Variants in C2CD4D observed in about 807,000 individuals in gnomAD.
The protein encoded by C2CD4D is C2 calcium dependent domain containing 4D.
A neutral mutation model predicts 0.2 loss-of-function variants in C2CD4D; 1 was observed. The observed-to-expected ratio is 4.00, with a 90% CI of 1.42 to 18.99. The LOEUF (loss-of-function observed/expected upper bound fraction) is 18.99. C2CD4D is among the 30% of genes most tolerant of loss of function. The probability of loss-of-function intolerance (pLI) is 0.11; values close to 1 mark genes in which losing one functional copy is unlikely to be tolerated. For missense variants in C2CD4D, 552 were observed against 551.2 expected (o/e 1.00, Z -0.01); for synonymous variants, 269 against 279.8 (o/e 0.96, Z 0.39).
exon 1 of C2CD4D, chr1:151,840,457 C>G (rs1244289138): frequency 2.0e-5 from 3 of 152,342 alleles, no homozygotes; most frequent in Non-Finnish European, 4.4e-5. Context: ...TAAAACCCTC[C>G]TGGTTGAAAT....
intron 1 of C2CD4D, among the ~76,000 whole-genome samples, chr1:151,840,043 G>A (rs1169743569): frequency 6.6e-6 from 1 of 152,198 alleles, no homozygotes; most frequent in Non-Finnish European, 1.5e-5. Flanking sequence ...TCTCCGTCGC[G>A]CGCCCGGAGT....
At chr1:151,838,543 C>T in exon 2 of C2CD4D, 1 of 1,328,972 alleles carries the variant, frequency 7.5e-7, no homozygotes, top group Non-Finnish European at 9.6e-7. Context: ...AGCCGAAGGG[C>T]GACGAGTCCG....
chr1:151,838,155 T>G (rs1327635890), exon 2 of C2CD4D: 1 of 1,551,086 alleles, frequency 6.4e-7, no homozygotes, highest in South Asian at 1.2e-5. Context: ...GCGCTGCACT[T>G]GACCACGCGG....
chr1:151,838,422 GCGGCC>G lies in C2CD4D; in HGVS notation c.563_567del (p.Gly188AlafsTer167), dbSNP rs1294077720. 27 of 1,423,362 alleles carry G rather than the reference GCGGCC, an allele frequency of 1.9e-5. No homozygotes were observed. The East Asian group carries it at 7.3e-4, about 39-fold the overall frequency. 88.2% of individuals were successfully genotyped at this position (1,423,362 alleles called of 1,614,324 possible). A position where few individuals can be genotyped will look rare whatever the true frequency, so the allele number is the denominator to read the frequency against. ...TCCAGGTGGAAGAGCGGCGGCGTGG[GCGGCC>G]CGGCGCGGCGCGGCGAGTGCGGGCT... On this transcript the variant is annotated frameshift_variant, in exon 2 of 2. Coordinates refer to ENST00000454109, the Ensembl canonical transcript of C2CD4D. LOFTEE classifies it low-confidence loss of function (END_TRUNC).
chr1:151,838,617 G>A, exon 2 of C2CD4D: 2 of 1,317,064 alleles, frequency 1.5e-6, no homozygotes, highest in South Asian at 2.1e-5. Flanking sequence ...GAGACGTGCA[G>A]CCGGGACTGC....
exon 2 of C2CD4D, chr1:151,839,115 G>T: frequency 9.0e-7 from 1 of 1,116,118 alleles, no homozygotes. Context: ...GGTGAGTGAT[G>T]CTGGCGTACA....
exon 2 of C2CD4D, chr1:151,838,495 C>G (rs1180468537): frequency 7.2e-7 from 1 of 1,383,390 alleles, no homozygotes; most frequent in Non-Finnish European, 9.3e-7. Flanking sequence ...GAGAGTGAGG[C>G]CTGGACACCC....
rs931488476 is a variant in C2CD4D, at chr1:151,838,635, G to C, written c.355C>G (p.Pro119Ala). The change falls in exon 2 of 2, where the codon CCC becomes GCC. Residue 119 changes from proline to alanine, a missense_variant. Physicochemically the swap from Pro to Ala is conservative, Grantham distance 27. Coordinates refer to ENST00000454109, the Ensembl canonical transcript of C2CD4D. ...ACGTGCAGCCGGGACTGCGCCGCGG[G>C]GAGTCCCCCGGCCGGGGCAGGTGGC... 3 of 1,323,976 alleles carry C rather than the reference G, an allele frequency of 2.3e-6. No individual in the cohort carries two copies. In the African/African-American group the frequency reaches 4.6e-5, roughly 20 times the overall value. 82.0% of individuals were successfully genotyped at this position (1,323,976 alleles called of 1,614,324 possible).
chr1:151,838,577 G>A, exon 2 of C2CD4D: 1 of 1,317,328 alleles, frequency 7.6e-7, no homozygotes, highest in Non-Finnish European at 9.6e-7. Context: ...GTCGCTGTCG[G>A]GGGCCCGGCA....
At chr1:151,838,094 T>C in exon 2 of C2CD4D, 1 of 1,551,306 alleles carries the variant, frequency 6.4e-7, no homozygotes, top group Non-Finnish European at 8.7e-7. Flanking sequence ...GGCGGCCAGG[T>C]CCGGGGGGCC....
At chr1:151,840,464 A>AGGGGC (rs1652755660) in exon 1 of C2CD4D, 1 of 152,306 alleles carries the variant, frequency 6.6e-6, no homozygotes, top group South Asian at 2.1e-4. Flanking sequence ...CTCCTGGTTG[A>AGGGGC]AATCCTGCCT....
At chr1:151,838,731 C>T (rs1025898040) in exon 2 of C2CD4D, 2 of 1,335,508 alleles carry the variant, frequency 1.5e-6, no homozygotes, top group Non-Finnish European at 1.9e-6. Flanking sequence ...CCTTCGCGGC[C>T]CGCCAGGTGA....
chr1:151,838,269 C>T, exon 2 of C2CD4D: 2 of 1,322,164 alleles, frequency 1.5e-6, no homozygotes, highest in Non-Finnish European at 1.9e-6. Flanking sequence ...AGGCCCTCGG[C>T]GCTCACTAGG....
chr1:151,837,867 G>C (rs1652617625), exon 2 of C2CD4D: 2 of 1,439,758 alleles, frequency 1.4e-6, no homozygotes, highest in Non-Finnish European at 1.8e-6. Context: ...AGCCGGGCAG[G>C]GTGGAAAGAA....
exon 2 of C2CD4D, chr1:151,838,416 G>A: frequency 2.1e-6 from 3 of 1,430,962 alleles, no homozygotes; most frequent in Non-Finnish European, 2.7e-6. Flanking sequence ...AAGAGCGGCG[G>A]CGTGGGCGGC....
exon 2 of C2CD4D, chr1:151,838,917 G>A: frequency 1.3e-6 from 2 of 1,549,860 alleles, no homozygotes; most frequent in South Asian, 2.4e-5. Context: ...TTGGAGAACA[G>A]GCCGGAAGGC....
rs1366165625 is a variant in C2CD4D, at chr1:151,839,650, A to G, written c.-231-430T>C. Among the ~76,000 whole-genome samples, 3 of 151,930 alleles carry G rather than the reference A, an allele frequency of 2.0e-5. No homozygotes were observed. Among genetic ancestry groups the G allele is most frequent in the Non-Finnish European group, 4.4e-5 (3 of 67,956 alleles). On this transcript the variant is annotated intron_variant, in intron 1 of 1. Transcript: ENST00000454109. ...TCCCCTCCTCGAGTCGCTCCAAGCC[A>G]GAAGAGGACTCACTTCTGCTCCTGG...
exon 2 of C2CD4D, chr1:151,838,919 C>T (rs755968172): frequency 1.3e-6 from 2 of 1,549,688 alleles, no homozygotes; most frequent in Non-Finnish European, 1.7e-6. Flanking sequence ...GGAGAACAGG[C>T]CGGAAGGCGC....
At chr1:151,838,999 G>A in exon 2 of C2CD4D, 2 of 1,549,120 alleles carry the variant, frequency 1.3e-6, no homozygotes, top group African/African-American at 1.4e-5. Context: ...TGCGGTGGGT[G>A]GGGTAATGGA....
Sources: gnomAD v4.1 joint callset for allele counts (sites outside exome capture counted in the v4.1 genomes callset) on GRCh38, gnomAD v4.1.1 for gene constraint, MANE v1.5 for transcripts, NCBI Gene and HGNC (gene_info 2026-07-23, HGNC 2026-07-21) for gene names.